Variants in SMARCA1 observed in about 807,000 individuals in gnomAD.
SMARCA1 encodes SNF2 related chromatin remodeling ATPase 1.
A neutral mutation model predicts 93.6 loss-of-function variants in SMARCA1; 17 were observed. That is an observed-to-expected ratio of 0.18 (90% CI 0.12 to 0.27). The LOEUF is 0.27. SMARCA1 is among the 10% of genes least tolerant of loss of function. The pLI, the probability that SMARCA1 is intolerant of heterozygous loss-of-function variation, is 1.00. For missense variants in SMARCA1, 630 were observed against 819.0 expected (o/e 0.77, Z 2.82); for synonymous variants, 271 against 271.4 (o/e 1.00, Z 0.01).
chrX:129,505,790 T>A (rs1169794524), intron 8 of SMARCA1, among the ~76,000 whole-genome samples: 1 of 110,658 alleles, frequency 9.0e-6, no homozygotes, highest in East Asian at 2.8e-4. Flanking sequence ...TTAATGAAAA[T>A]AAAATGGTGA....
intron 3 of SMARCA1, 76 bp downstream of exon 3, chrX:129,516,255 G>C (rs911037597): frequency 1.0e-6 from 1 of 956,842 alleles, no homozygotes; most frequent in Non-Finnish European, 1.5e-6. Flanking sequence ...AGGGGTGCAT[G>C]AAGGGATCAA....
intron 16 of SMARCA1, among the ~76,000 whole-genome samples, chrX:129,488,122 A>T (rs1363175009): frequency 9.0e-6 from 1 of 110,618 alleles, no homozygotes; most frequent in Non-Finnish European, 1.9e-5. Flanking sequence ...TATGTTTAAA[A>T]TTATCCATAA....
rs1487581060 is a variant in SMARCA1 at position 129,498,023 on chromosome X, G to A, written c.1326C>T (p.Gly442=). 1 of 1,204,990 alleles carries A rather than the reference G, an allele frequency of 8.3e-7. No individual in the cohort carries two copies. The change falls in exon 11 of 25, where the codon GGC becomes GGT. Residue 442 remains glycine, a synonymous_variant. Transcript: ENST00000371121. ...MKDIDVLNSS[G]KMDKMRLLNI... ...TTAAGAGTCGCATCTTGTCCATCTT[G>A]CCAGAAGAGTTTAAAACATCAATAT...
chrX:129,467,474 A>AT (rs759860097), intron 21 of SMARCA1, among the ~76,000 whole-genome samples: 1 of 110,729 alleles, frequency 9.0e-6, no homozygotes, highest in Non-Finnish European at 1.9e-5. Context: ...TCTTCAATCT[A>AT]TTTTTTCCCC....
intron 19 of SMARCA1, among the ~76,000 whole-genome samples, chrX:129,473,750 A>T (rs943849063): frequency 1.8e-5 from 2 of 112,208 alleles, no homozygotes; most frequent in Non-Finnish European, 3.8e-5. Flanking sequence ...ACAAAAATTT[A>T]AAAACCTAAT....
rs535959302 is a variant in SMARCA1, at chrX:129,514,189, C to T, written c.630+1498G>A. Among the ~76,000 whole-genome samples the T allele has an allele frequency of 3.0e-4, 33 of 111,612 alleles. No individual in the cohort carries two copies. The South Asian group carries it at 7.2e-3, about 24-fold the overall frequency. On this transcript the variant is annotated intron_variant, in intron 5 of 24. Transcript: ENST00000371121. ...AAAATTAGCTGGGCGCGGTGGCGGG[C>T]GCCTGTAGTCCCAGCTACTCGGGAG...
chrX:129,472,710 C>A (rs1460165802), intron 19 of SMARCA1, among the ~76,000 whole-genome samples: 2 of 111,562 alleles, frequency 1.8e-5, no homozygotes, highest in Non-Finnish European at 3.8e-5. Flanking sequence ...TGTTTCAGAC[C>A]AGAAGTGTTT....
In SMARCA1 at chrX:129,446,725, T is replaced by C. The variant is rs1040170760; in HGVS notation, c.*437A>G. On this transcript the variant is annotated 3_prime_UTR_variant, in exon 25 of 25. Transcript: ENST00000371121. ...GTAACACAAACAAGCCCAGACTCAA[T>C]AGAAAAGAAAGCAACAAAGAAGTGA... 1 of 118,692 alleles carries C rather than the reference T, an allele frequency of 8.4e-6. No homozygotes were observed. Among genetic ancestry groups the C allele is most frequent in the African/African-American group, 3.2e-5 (1 of 30,878 alleles). 9.8% of individuals were successfully genotyped at this position (118,692 alleles called of 1,213,427 possible). A position where few individuals can be genotyped will look rare whatever the true frequency, so the allele number is the denominator to read the frequency against.
chrX:129,497,808 A>T, intron 11 of SMARCA1, 37 bp downstream of exon 11: 2 of 908,119 alleles, frequency 2.2e-6, no homozygotes, highest in Non-Finnish European at 3.2e-6. Context: ...CATTAATATA[A>T]ATTTATTCCA....
chrX:129,483,017 G>A (rs1049318506), intron 17 of SMARCA1, among the ~76,000 whole-genome samples: 5 of 111,832 alleles, frequency 4.5e-5, no homozygotes, highest in South Asian at 3.7e-4. Context: ...CAGACACAAC[G>A]GTGACATTCG....
intron 12 of SMARCA1, among the ~76,000 whole-genome samples, chrX:129,495,180 T>C (rs1273445265): frequency 8.9e-6 from 1 of 112,823 alleles, no homozygotes; most frequent in Non-Finnish European, 1.9e-5. Context: ...CCTGGGGTCC[T>C]GAGCTGCCAG....
At position 129,471,289 on chromosome X, in the gene SMARCA1, G is replaced by C. The variant is rs373123186; in HGVS notation, c.2480C>G (p.Ala827Gly). The change falls in exon 20 of 25, where the codon GCT becomes GGT. Residue 827 changes from alanine to glycine, a missense_variant. Physicochemically the swap from Ala to Gly is moderately conservative, Grantham distance 60. Coordinates refer to ENST00000371121, the MANE Select transcript of SMARCA1 (RefSeq NM_001282874.2). ...RNPDIPNPALAQREEQKKIDG... is the reference protein window; with the variant it reads ...RNPDIPNPALGQREEQKKIDG... ...AATCTTTTTTTGCTCTTCTCTTTGA[G>C]CCAGAGCTGGATTTGGGATATCAGG... 2.8e-5 allele frequency: 34 copies of C among 1,196,932 alleles called. No individual in the cohort carries two copies. Among genetic ancestry groups the C allele is most frequent in the Non-Finnish European group, 3.8e-5 (34 of 884,153 alleles).
chrX:129,464,577 A>G (rs183748316), intron 23 of SMARCA1, among the ~76,000 whole-genome samples: 1 of 112,519 alleles, frequency 8.9e-6, no homozygotes, highest in East Asian at 2.8e-4. Flanking sequence ...CACATAAGCT[A>G]AAATAAAATA....
In SMARCA1 at chrX:129,502,535, T is replaced by A. The variant is rs904907328; in HGVS notation, c.1167+2199A>T. On this transcript the variant is annotated intron_variant, in intron 9 of 24. Coordinates refer to ENST00000371121, the MANE Select transcript of SMARCA1 (RefSeq NM_001282874.2). ...AACTGGAAAGTCATTGAAGACACTG[T>A]GAGACAAATTTCAGTTGTATGGAAT... is the stretch of plus-strand genomic sequence containing the variant. 4.2e-4 allele frequency among the ~76,000 whole-genome samples: 47 copies of A among 111,779 alleles called. 1 individual carries two copies. Among genetic ancestry groups the A allele is most frequent in the Admixed American group, 2.9e-3 (30 of 10,486 alleles).
chrX:129,504,573 A>AC (rs879000179), intron 9 of SMARCA1, among the ~76,000 whole-genome samples, 161 bp downstream of exon 9: 40 of 99,991 alleles, frequency 4.0e-4, no homozygotes, highest in African/African-American at 8.3e-4. Flanking sequence ...AAAAAAAAAA[A>AC]AAAAAAAACA....
chrX:129,476,493 C>T lies in SMARCA1; in HGVS notation c.2442+4208G>A, dbSNP rs777341402. Among the ~76,000 whole-genome samples, 29 of 111,800 alleles carry T rather than the reference C, an allele frequency of 2.6e-4. No individual in the cohort carries two copies. The South Asian group carries it at 2.6e-3, about 10-fold the overall frequency. ...CAAAACTTGTGGGCCCTTCACTAGC[C>T]CCACTCCAAATCACAACAGAATAAG... On this transcript the variant is annotated intron_variant, in intron 19 of 24. Coordinates refer to ENST00000371121, the MANE Select transcript of SMARCA1 (RefSeq NM_001282874.2).
intron 11 of SMARCA1, 114 bp from the exon 12 acceptor site, chrX:129,496,985 G>GCACACACACACGTGCACA (rs1289806754): frequency 1.9e-6 from 1 of 529,872 alleles, no homozygotes; most frequent in Non-Finnish European, 3.1e-6. Context: ...CTCCACTAAC[G>GCACACACACACGTGCACA]CACACACACA....
At chrX:129,523,168 C>T (rs759616212) in intron 1 of SMARCA1, 29 bp downstream of exon 1, 7 of 1,204,522 alleles carry the variant, frequency 5.8e-6, no homozygotes, top group Non-Finnish European at 7.9e-6. Flanking sequence ...AGGATTTGTC[C>T]ACCACACACA....
chrX:129,468,855 A>G lies in SMARCA1; in HGVS notation c.2616T>C (p.Asn872=), dbSNP rs1932997883. ...CAATGTCATCTCTTCCATATTTCTC[A>G]TTAGCTTTAATAAACTGGTTAAAAT... ...KRDFNQFIKA[N]EKYGRDDIDN... is the part of the protein sequence containing the mutation. Residue 872 remains asparagine, a synonymous_variant, in exon 21 of 25, where the codon AAT becomes AAC. Coordinates refer to ENST00000371121, the MANE Select transcript of SMARCA1 (RefSeq NM_001282874.2). The G allele has an allele frequency of 3.4e-6, 4 of 1,186,560 alleles. No homozygotes were observed. Among genetic ancestry groups the G allele is most frequent in the African/African-American group, 1.8e-5 (1 of 56,777 alleles).
Sources: allele counts gnomAD v4.1 joint callset (sites outside exome capture counted in the v4.1 genomes callset), GRCh38; gene constraint gnomAD v4.1.1; transcripts MANE v1.5; gene names NCBI Gene and HGNC (gene_info 2026-07-23, HGNC 2026-07-21).